UPRT: variants seen among roughly 807,000 people sequenced by gnomAD.
The protein encoded by UPRT is RP11-311P8.3.
UPRT carries 5 observed loss-of-function variants against 22.6 expected under a neutral mutation model. That is an observed-to-expected ratio of 0.22 (90% confidence interval 0.12 to 0.47). The LOEUF is 0.47. Among genes scored for constraint, UPRT ranks in the 20% least tolerant of loss-of-function variants. UPRT has a pLI of 0.99. For synonymous variants in UPRT, 77 were observed against 87.7 expected (o/e 0.88, Z 0.68); for missense variants, 181 against 239.9 (o/e 0.75, Z 1.62).
Position 75,304,593 on chromosome X carries a change from T to G in UPRT, c.*1082T>G, listed in dbSNP as rs1255723681. ...ATTTTACATTGATATTAAAACATTT[T>G]AACAGTGTTGGCTAGCTGATTACTT... On this transcript the variant is annotated 3_prime_UTR_variant, in exon 7 of 7. Coordinates refer to ENST00000373383, the MANE Select transcript of UPRT (RefSeq NM_145052.4). 1 of 111,456 alleles carries G rather than the reference T, an allele frequency of 9.0e-6. No individual in the cohort carries two copies. Among genetic ancestry groups the G allele is most frequent in the Non-Finnish European group, 1.9e-5 (1 of 53,144 alleles). The allele number at this position is 111,456 out of a possible 1,213,427, so 9.2% of individuals were successfully genotyped here. A position where few individuals can be genotyped will look rare whatever the true frequency, so the allele number is the denominator to read the frequency against.
chrX:75,185,433 T>C (rs1179626733), intron 4 of UPRT, among the ~76,000 whole-genome samples: 3 of 112,282 alleles, frequency 2.7e-5, no homozygotes, highest in African/African-American at 6.5e-5. Context: ...CAGTATTTTA[T>C]TGAGGATTTT....
At chrX:75,179,991 TC>T (rs1204995834) in intron 4 of UPRT, among the ~76,000 whole-genome samples, 2 of 112,395 alleles carry the variant, frequency 1.8e-5, no homozygotes, top group African/African-American at 6.5e-5. Context: ...GCTGAAGGGC[TC>T]CTCAAATGCC....
chrX:75,259,067 T>C (rs1376274334), intron 4 of UPRT, among the ~76,000 whole-genome samples: 1 of 111,447 alleles, frequency 9.0e-6, no homozygotes, highest in African/African-American at 3.3e-5. Context: ...CAGAAAGGGA[T>C]AGCATCAACA....
chrX:75,249,712 A>T (rs1290357949), intron 4 of UPRT, among the ~76,000 whole-genome samples: 2 of 111,530 alleles, frequency 1.8e-5, no homozygotes, highest in Admixed American at 9.6e-5. Flanking sequence ...AAGCGGACCT[A>T]ATAGACACCT....
chrX:75,296,504 A>T, intron 3 of UPRT, 93 bp downstream of exon 3: 1 of 774,382 alleles, frequency 1.3e-6, no homozygotes, highest in South Asian at 2.6e-5. Flanking sequence ...TAAAATAAAT[A>T]TGCAAAATGA....
intron 4 of UPRT, among the ~76,000 whole-genome samples, chrX:75,180,695 G>GT (rs61040746): frequency 2.0e-4 from 7 of 34,660 alleles, no homozygotes; most frequent in African/African-American, 9.0e-4. Flanking sequence ...TTTTTTTTTT[G>GT]TTTTTTTTTT....
chrX:75,296,380 A>G lies in UPRT; in HGVS notation c.468A>G (p.Pro156=), dbSNP rs183211719. The change falls in exon 3 of 7, where the codon CCA becomes CCG. Residue 156 remains proline (P), a synonymous_variant. Coordinates refer to ENST00000373383, the MANE Select transcript of UPRT (RefSeq NM_145052.4). ...LVVEEGLNQL[P]YKECMVTTPT... is the part of the protein sequence containing the mutation. The stretch of plus-strand genomic sequence containing the variant: ...TGGAAGAGGGATTGAATCAGCTGCC[A>G]TATAAAGAATGCATGGTGACCACTC... 8.5e-5 allele frequency: 103 copies of G among 1,209,066 alleles called. 1 individual carries two copies. In the African/African-American group the frequency reaches 1.3e-3, roughly 15 times the overall value.
chrX:75,234,338 G>A (rs2082451449), intron 4 of UPRT, among the ~76,000 whole-genome samples: 1 of 110,870 alleles, frequency 9.0e-6, no homozygotes, highest in African/African-American at 3.3e-5. Context: ...TTAATAATGG[G>A]AGACTTTAAC....
chrX:75,294,649 T>TTATTTAAAA (rs1273196574), intron 2 of UPRT: 1 of 916,432 alleles, frequency 1.1e-6, no homozygotes, highest in Admixed American at 3.4e-5. Context: ...GAGACCAATT[T>TTATTTAAAA]TATTTAAAAT....
At chrX:75,271,344 A>C (rs1355775678), upstream of UPRT, among the ~76,000 whole-genome samples, 1 of 111,779 alleles carries the variant, frequency 8.9e-6, no homozygotes, top group Non-Finnish European at 1.9e-5. Flanking sequence ...AAATAAATCC[A>C]AATACAGCCA....
chrX:75,295,709 A>G (rs1175905196), intron 2 of UPRT, among the ~76,000 whole-genome samples: 2 of 112,031 alleles, frequency 1.8e-5, no homozygotes, highest in Non-Finnish European at 3.8e-5. Flanking sequence ...TGGAATTACC[A>G]TATCTTGTTT....
At chrX:75,268,935 AG>A (rs1314390251) in intron 4 of UPRT, among the ~76,000 whole-genome samples, 5 of 111,743 alleles carry the variant, frequency 4.5e-5, no homozygotes, top group Non-Finnish European at 9.4e-5. Context: ...AAAGAAATAA[AG>A]GGTATTCAAA....
At chrX:75,238,381 A>G (rs2082477178) in intron 4 of UPRT, among the ~76,000 whole-genome samples, 1 of 112,120 alleles carries the variant, frequency 8.9e-6, no homozygotes, top group Admixed American at 9.5e-5. Flanking sequence ...TAAAACAGAT[A>G]AAGAGGGGCA....
chrX:75,259,194 A>G (rs1441109622), intron 4 of UPRT, among the ~76,000 whole-genome samples: 1 of 111,163 alleles, frequency 9.0e-6, no homozygotes, highest in Non-Finnish European at 1.9e-5. Context: ...TGACAATTCC[A>G]AAAACCAAAA....
At chrX:75,239,082 A>C (rs935729296) in intron 4 of UPRT, among the ~76,000 whole-genome samples, 3 of 111,021 alleles carry the variant, frequency 2.7e-5, no homozygotes, top group African/African-American at 9.8e-5. Flanking sequence ...TCAAACCCAA[A>C]CCCAGCAGAA....
intron 1 of UPRT, among the ~76,000 whole-genome samples, chrX:75,282,471 G>A (rs774006011): frequency 9.1e-6 from 1 of 110,230 alleles, no homozygotes; most frequent in Non-Finnish European, 1.9e-5. Flanking sequence ...CATTATTTGG[G>A]AGGTATGTGT....
chrX:75,297,360 C>T, intron 3 of UPRT, 131 bp from the exon 4 acceptor site: 1 of 527,809 alleles, frequency 1.9e-6, no homozygotes, highest in South Asian at 3.7e-5. Flanking sequence ...CACAGGGAAT[C>T]TCAGGCATTA....
At chrX:75,206,885 C>T (rs1042475912) in intron 4 of UPRT, among the ~76,000 whole-genome samples, 15 of 111,933 alleles carry the variant, frequency 1.3e-4, no homozygotes, top group African/African-American at 4.2e-4. Context: ...AGGATGGTCT[C>T]GATCTCCTGA....
At chrX:75,289,049 C>G (rs2082694544) in intron 1 of UPRT, among the ~76,000 whole-genome samples, 1 of 111,082 alleles carries the variant, frequency 9.0e-6, no homozygotes, top group African/African-American at 3.3e-5. Context: ...CAATGATATT[C>G]AAGCTGAGAG....
Sources: allele counts gnomAD v4.1 joint callset (sites outside exome capture counted in the v4.1 genomes callset), GRCh38; gene constraint gnomAD v4.1.1; transcripts MANE v1.5; gene names NCBI Gene and HGNC (gene_info 2026-07-23, HGNC 2026-07-21).